The following CREB5 variants were observed in gnomAD, a reference collection of about 807,000 sequenced individuals.
CREB5 encodes the protein cyclic AMP-responsive element-binding protein 5.
A neutral mutation model predicts 57.1 loss-of-function variants in CREB5; 19 were observed. That is an observed-to-expected ratio of 0.33 (90% CI 0.23 to 0.49). CREB5 has a LOEUF of 0.49. Among genes scored for constraint, CREB5 ranks in the 20% least tolerant of loss-of-function variants. The pLI, the probability that CREB5 is intolerant of heterozygous loss-of-function variation, is 0.99. For synonymous variants in CREB5, 238 were observed against 238.3 expected (o/e 1.00, Z 0.01); for missense variants, 579 against 671.6 (o/e 0.86, Z 1.52).
At chr7:28,590,020 A>G (rs1280926553) in intron 5 of CREB5, among the ~76,000 whole-genome samples, 1 of 152,228 alleles carries the variant, frequency 6.6e-6, no homozygotes, top group African/African-American at 2.4e-5. Context: ...TGAAAAAGTC[A>G]GGAAACAACA....
At chr7:28,584,390 T>G (rs1050723580) in intron 5 of CREB5, among the ~76,000 whole-genome samples, 1 of 152,186 alleles carries the variant, frequency 6.6e-6, no homozygotes, top group African/African-American at 2.4e-5. Context: ...GTGGAGGATT[T>G]GGGTGAGTCC....
At chr7:28,315,856 G>C (rs148591121) in intron 1 of CREB5, among the ~76,000 whole-genome samples, 73 of 152,272 alleles carry the variant, frequency 4.8e-4, no homozygotes, top group African/African-American at 1.7e-3. Flanking sequence ...TCTGGGACAC[G>C]GAGGACTGGC....
At chr7:28,420,293 G>T (rs374985799) in intron 1 of CREB5, among the ~76,000 whole-genome samples, 2 of 152,052 alleles carry the variant, frequency 1.3e-5, no homozygotes, top group African/African-American at 4.8e-5. Context: ...AAGCACAAAC[G>T]TGGTTGTATC....
At chr7:28,686,067 C>G in intron 5 of CREB5, 1 of 1,510,274 alleles carries the variant, frequency 6.6e-7, no homozygotes, top group Non-Finnish European at 9.1e-7. Flanking sequence ...ATCGCTTGGC[C>G]TGGAATCAAA....
Position 28,515,944 on chromosome 7 carries a change from A to C in CREB5, c.291+8207A>C, listed in dbSNP as rs150886128. 3.0e-3 allele frequency among the ~76,000 whole-genome samples: 459 copies of C among 152,116 alleles called. 1 individual carries two copies. The highest frequency in any genetic ancestry group is 0.01 in the African/African-American group (432 of 41,484). On this transcript the variant is annotated intron_variant, in intron 4 of 10. Transcript: ENST00000357727. The stretch of plus-strand genomic sequence containing the variant: ...TATATGACCAGGTGTGGTGGCTTAT[A>C]CCTGAAATCTGAGCTCTCTGGGAGG...
At chr7:28,719,343 A>G (rs183905145) in intron 6 of CREB5, among the ~76,000 whole-genome samples, 1 of 152,370 alleles carries the variant, frequency 6.6e-6, no homozygotes, top group Admixed American at 6.5e-5. Flanking sequence ...TAATCATGCT[A>G]GCAGTATTTA....
chr7:28,765,631 T>TA lies in CREB5; in HGVS notation c.703-38561dup, dbSNP rs958935676. On this transcript the variant is annotated intron_variant, in intron 7 of 10. Coordinates refer to ENST00000357727, the MANE Select transcript of CREB5 (RefSeq NM_182898.4). The stretch of plus-strand genomic sequence containing the variant: ...TGAAGGAGAGGGCTAGCACCAGCAA[T>TA]AAAAAAAGACGAAAATATTTGGTAG... 2.4e-4 allele frequency among the ~76,000 whole-genome samples: 36 copies of TA among 152,046 alleles called. 2 individuals carry two copies. Among genetic ancestry groups the TA allele is most frequent in the African/African-American group, 7.5e-4 (31 of 41,462 alleles).
rs139560928 is a variant in CREB5, at chr7:28,752,347, A to G, written c.702+28015A>G. On this transcript the variant is annotated intron_variant, in intron 7 of 10. Coordinates refer to ENST00000357727, the MANE Select transcript of CREB5 (RefSeq NM_182898.4). ...ACACCTAGCTAATTTTTATAGTTTT[A>G]GTAGAGATGGGGTTTCACCATGTTG... Among the ~76,000 whole-genome samples, 430 of 152,166 alleles carry G rather than the reference A, an allele frequency of 2.8e-3. 3 individuals carry two copies. The highest frequency in any genetic ancestry group is 4.9e-3 in the Non-Finnish European group (331 of 67,992).
At chr7:28,788,921 ATAAGAG>A (rs1562641928) in intron 7 of CREB5, among the ~76,000 whole-genome samples, 1 of 152,020 alleles carries the variant, frequency 6.6e-6, no homozygotes, top group Non-Finnish European at 1.5e-5. Flanking sequence ...CTAGAGGGAA[ATAAGAG>A]TAAAAGATTC....
At chr7:28,765,868 C>T (rs1805942346) in intron 7 of CREB5, among the ~76,000 whole-genome samples, 1 of 152,154 alleles carries the variant, frequency 6.6e-6, no homozygotes, top group Admixed American at 6.5e-5. Flanking sequence ...CCATTGGTGG[C>T]AGAGAACTGC....
At chr7:28,540,863 A>T (rs572031001) in intron 4 of CREB5, among the ~76,000 whole-genome samples, 1 of 152,174 alleles carries the variant, frequency 6.6e-6, no homozygotes, top group Non-Finnish European at 1.5e-5. Context: ...ACCCATGAGC[A>T]TGTGGGAGAG....
chr7:28,750,388 T>C (rs1305150316), intron 7 of CREB5, among the ~76,000 whole-genome samples: 2 of 152,208 alleles, frequency 1.3e-5, no homozygotes, highest in Non-Finnish European at 2.9e-5. Flanking sequence ...TTAATCTTGC[T>C]TGTTTTTGAG....
At chr7:28,485,851 T>G (rs1292385528) in intron 1 of CREB5, among the ~76,000 whole-genome samples, 1 of 152,158 alleles carries the variant, frequency 6.6e-6, no homozygotes, top group South Asian at 2.1e-4. Context: ...ATTTTGAGAC[T>G]TAGTAGTACC....
At chr7:28,687,838 C>T (rs1426792156) in intron 5 of CREB5, among the ~76,000 whole-genome samples, 1 of 151,916 alleles carries the variant, frequency 6.6e-6, no homozygotes, top group East Asian at 1.9e-4. Flanking sequence ...TGTGAGGAGG[C>T]CTGAGTGTTG....
intron 1 of CREB5, among the ~76,000 whole-genome samples, chr7:28,379,552 G>A (rs1786917060): frequency 6.6e-6 from 1 of 152,204 alleles, no homozygotes; most frequent in Admixed American, 6.5e-5. Context: ...AGAAAGCCAA[G>A]GCTCTGCTCT....
intron 4 of CREB5, among the ~76,000 whole-genome samples, chr7:28,530,549 A>G (rs1337305804): frequency 6.6e-6 from 1 of 152,210 alleles, no homozygotes; most frequent in East Asian, 1.9e-4. Context: ...AGTCAGCCTT[A>G]TTTATTTTTC....
At chr7:28,580,592 T>TGTGTGA (rs371355013) in intron 5 of CREB5, among the ~76,000 whole-genome samples, 1 of 143,762 alleles carries the variant, frequency 7.0e-6, no homozygotes, top group African/African-American at 2.6e-5. Context: ...TGTGTGTGTG[T>TGTGTGA]GAGAGAGAGA....
At chr7:28,703,510 A>C (rs573482876) in intron 5 of CREB5, among the ~76,000 whole-genome samples, 2 of 152,336 alleles carry the variant, frequency 1.3e-5, no homozygotes, top group South Asian at 4.1e-4. Flanking sequence ...TCACCAGATT[A>C]TGGAAGCTAA....
At chr7:28,665,688 A>C (rs958903164) in intron 5 of CREB5, among the ~76,000 whole-genome samples, 2 of 152,186 alleles carry the variant, frequency 1.3e-5, no homozygotes, top group African/African-American at 4.8e-5. Context: ...TAATTCTCAG[A>C]AAATAGTGGT....
Sources: allele counts gnomAD v4.1 joint callset (sites outside exome capture counted in the v4.1 genomes callset), GRCh38; gene constraint gnomAD v4.1.1; transcripts MANE v1.5; gene names NCBI Gene and HGNC (gene_info 2026-07-23, HGNC 2026-07-21).